RALYL: variants seen among roughly 807,000 people sequenced by gnomAD.
The protein encoded by RALYL is RALY RNA binding protein like.
A neutral mutation model predicts 35.1 loss-of-function variants in RALYL; 29 were observed. The observed-to-expected ratio is 0.83, with a 90% CI of 0.61 to 1.13. The LOEUF (loss-of-function observed/expected upper bound fraction) is 1.13. RALYL is among the 50% of genes most tolerant of loss of function. RALYL has a pLI of 0.00. For synonymous variants in RALYL, 120 were observed against 127.6 expected (o/e 0.94, Z 0.40); for missense variants, 359 against 360.4 (o/e 1.00, Z 0.03).
chr8:84,870,151 TG>T (rs1352132395), intron 6 of RALYL, among the ~76,000 whole-genome samples: 19 of 152,172 alleles, frequency 1.2e-4, no homozygotes, highest in African/African-American at 4.6e-4. Context: ...TGCTGATTTT[TG>T]TTTGGTAATT....
At chr8:84,814,739 A>G (rs1287428281) in intron 4 of RALYL, among the ~76,000 whole-genome samples, 1 of 152,248 alleles carries the variant, frequency 6.6e-6, no homozygotes, top group Non-Finnish European at 1.5e-5. Context: ...GCAACTATAT[A>G]TATGATATAA....
intron 2 of RALYL, among the ~76,000 whole-genome samples, chr8:84,615,873 A>C (rs1383720824): frequency 2.2e-5 from 2 of 89,014 alleles, no homozygotes; most frequent in Non-Finnish European, 4.2e-5. Flanking sequence ...GCGATAGTTT[A>C]CTGAGAATGA....
intron 2 of RALYL, among the ~76,000 whole-genome samples, chr8:84,530,382 C>A (rs2059198359): frequency 6.6e-6 from 1 of 151,878 alleles, no homozygotes; most frequent in Non-Finnish European, 1.5e-5. Flanking sequence ...AAAGGCATTT[C>A]AGCTTCATAT....
intron 1 of RALYL, among the ~76,000 whole-genome samples, chr8:84,266,938 C>T (rs1430333957): frequency 5.4e-5 from 7 of 128,864 alleles, no homozygotes; most frequent in South Asian, 2.4e-4. Context: ...CCAGCCTGGG[C>T]GACAGAGCGA....
intron 2 of RALYL, among the ~76,000 whole-genome samples, chr8:84,581,617 A>T (rs75117517): frequency 6.6e-6 from 1 of 152,152 alleles, no homozygotes. Flanking sequence ...TTCATGTTTC[A>T]TCTCCATGAC....
chr8:84,884,472 T>C (rs1465071934), intron 7 of RALYL, among the ~76,000 whole-genome samples: 4 of 151,542 alleles, frequency 2.6e-5, no homozygotes. Flanking sequence ...AGAGATCTTC[T>C]AGAGAAAAAA....
Position 84,477,593 on chromosome 8 carries a change from T to C in RALYL, c.-23-51706T>C, listed in dbSNP as rs1009767394. On this transcript the variant is annotated intron_variant, in intron 1 of 8. Coordinates refer to ENST00000521268, the MANE Select transcript of RALYL (RefSeq NM_173848.7). The stretch of plus-strand genomic sequence containing the variant: ...TATATTTTTGCTTACAGATTTATTA[T>C]AAATAAATAAATATATACATAAACT... Among the ~76,000 whole-genome samples, 4 of 150,790 alleles carry C rather than the reference T, an allele frequency of 2.7e-5. No individual in the cohort carries two copies. In the South Asian group the frequency reaches 8.3e-4, roughly 31 times the overall value.
At chr8:84,567,561 T>C (rs1564158087) in intron 2 of RALYL, among the ~76,000 whole-genome samples, 1 of 151,866 alleles carries the variant, frequency 6.6e-6, no homozygotes. Flanking sequence ...ATAGTATTCC[T>C]TGGTGTGTAT....
chr8:84,468,777 A>T (rs181327163), intron 1 of RALYL, among the ~76,000 whole-genome samples: 1,738 of 152,080 alleles, frequency 0.011, 14 homozygotes, highest in Admixed American at 0.023. Context: ...ACTTTCAGGT[A>T]CACCAATCAG....
chr8:84,757,988 G>A (rs1195234210), intron 2 of RALYL, among the ~76,000 whole-genome samples: 1 of 152,096 alleles, frequency 6.6e-6, no homozygotes, highest in Non-Finnish European at 1.5e-5. Context: ...AAAAACTAGA[G>A]GTTAATTGCC....
intron 2 of RALYL, among the ~76,000 whole-genome samples, chr8:84,730,153 A>G (rs1240816970): frequency 3.3e-5 from 5 of 152,160 alleles, no homozygotes; most frequent in Admixed American, 2.0e-4. Flanking sequence ...CTGGCAAACC[A>G]AATCCAGCAG....
intron 1 of RALYL, among the ~76,000 whole-genome samples, chr8:84,282,615 C>T (rs1162569279): frequency 6.6e-6 from 1 of 151,594 alleles, no homozygotes; most frequent in Non-Finnish European, 1.5e-5. Flanking sequence ...TTTGTTCTGC[C>T]CTTTTGTTGA....
intron 2 of RALYL, among the ~76,000 whole-genome samples, chr8:84,698,887 T>A (rs548398325): frequency 5.3e-5 from 8 of 152,192 alleles, no homozygotes; most frequent in Non-Finnish European, 1.0e-4. Context: ...TGGTTAAGAA[T>A]TTTCTCTAGC....
intron 1 of RALYL, among the ~76,000 whole-genome samples, chr8:84,230,157 A>G (rs1295560480): frequency 6.6e-6 from 1 of 152,170 alleles, no homozygotes; most frequent in East Asian, 1.9e-4. Context: ...ACTGTATATA[A>G]GTATAGAAAT....
rs566025440 is a variant in RALYL, at chr8:84,891,725, T to A, written c.858+3949T>A. Among the ~76,000 whole-genome samples, 3 of 152,082 alleles carry A rather than the reference T, an allele frequency of 2.0e-5. No individual in the cohort carries two copies. The South Asian group carries it at 6.2e-4, about 32-fold the overall frequency. On this transcript the variant is annotated intron_variant, in intron 8 of 8. Transcript: ENST00000521268. The stretch of plus-strand genomic sequence containing the variant: ...TGCAATCCGGATTGAAACTAAGGAG[T>A]CTCTCCTAGTGATTGGCCAAGAGAA...
At chr8:84,684,699 A>C (rs1173065831) in intron 2 of RALYL, among the ~76,000 whole-genome samples, 2 of 152,204 alleles carry the variant, frequency 1.3e-5, no homozygotes, top group African/African-American at 4.8e-5. Context: ...ATGACATTTT[A>C]AGATACCCAA....
intron 1 of RALYL, among the ~76,000 whole-genome samples, chr8:84,428,311 T>A (rs1053521471): frequency 6.6e-6 from 1 of 152,198 alleles, no homozygotes; most frequent in African/African-American, 2.4e-5. Flanking sequence ...TCGTTAATCA[T>A]GAGGGCTTTT....
At chr8:84,538,487 C>G (rs1468589253) in intron 2 of RALYL, among the ~76,000 whole-genome samples, 1 of 152,098 alleles carries the variant, frequency 6.6e-6, no homozygotes, top group Admixed American at 6.6e-5. Flanking sequence ...AATATTTATT[C>G]TTTCAACACT....
chr8:84,693,576 G>A (rs1020287581), intron 2 of RALYL, among the ~76,000 whole-genome samples: 1 of 151,794 alleles, frequency 6.6e-6, no homozygotes, highest in Non-Finnish European at 1.5e-5. Flanking sequence ...AATAGCAAAT[G>A]AAAACTTGAA....
Sources: allele counts gnomAD v4.1 joint callset (sites outside exome capture counted in the v4.1 genomes callset), GRCh38; gene constraint gnomAD v4.1.1; transcripts MANE v1.5; gene names NCBI Gene and HGNC (gene_info 2026-07-23, HGNC 2026-07-21).